The following DLG2 variants were observed in gnomAD, a reference collection of about 807,000 sequenced individuals.
The protein encoded by DLG2 is disks large homolog 2.
In DLG2, 45 loss-of-function variants were observed where a neutral mutation model predicts 132.5. The observed-to-expected ratio is 0.34, with a 90% CI of 0.27 to 0.44. DLG2 has a LOEUF of 0.44. Ranked by LOEUF, DLG2 falls within the 20% of genes least tolerant of loss-of-function variation. DLG2 has a pLI of 1.00. For missense variants in DLG2, 1,045 were observed against 1,196.9 expected (o/e 0.87, Z 1.87); for synonymous variants, 424 against 419.6 (o/e 1.01, Z -0.13).
chr11:85,420,957 T>C lies in DLG2; in HGVS notation c.41-135592A>G, dbSNP rs145842893. 8.9e-3 allele frequency among the ~76,000 whole-genome samples: 1,352 copies of C among 152,278 alleles called. 15 individuals are homozygous for C. The highest frequency in any genetic ancestry group is 0.019 in the South Asian group (94 of 4,822). ...CAGAAGAGTGAACAGTTGTGTCTTG[T>C]TGGCATTCCAGGTGCCATTGGGGTA... On this transcript the variant is annotated intron_variant, in intron 3 of 27. Coordinates refer to ENST00000376104, the MANE Select transcript of DLG2 (RefSeq NM_001142699.3).
intron 18 of DLG2, among the ~76,000 whole-genome samples, chr11:83,770,031 A>G (rs898676372): frequency 6.6e-6 from 1 of 152,194 alleles, no homozygotes; most frequent in Non-Finnish European, 1.5e-5. Flanking sequence ...ACCCGTCCAC[A>G]TGACTGTTGC....
chr11:84,888,260 G>A (rs1250978414), intron 6 of DLG2, among the ~76,000 whole-genome samples: 2 of 152,154 alleles, frequency 1.3e-5, no homozygotes, highest in African/African-American at 2.4e-5. Context: ...GAAAAAGATC[G>A]ACTCTCACCA....
intron 17 of DLG2, among the ~76,000 whole-genome samples, chr11:83,806,368 A>G (rs1268470687): frequency 6.6e-6 from 1 of 152,116 alleles, no homozygotes; most frequent in Non-Finnish European, 1.5e-5. Context: ...AATAAACTAG[A>G]CAAATTAACT....
intron 6 of DLG2, among the ~76,000 whole-genome samples, chr11:84,885,202 G>A (rs984817497): frequency 1.3e-5 from 2 of 151,536 alleles, no homozygotes; most frequent in Non-Finnish European, 3.0e-5. Flanking sequence ...GCATACTGGA[G>A]GACAAATATT....
chr11:83,994,286 ATCTCAT>A (rs2093897693), intron 11 of DLG2, among the ~76,000 whole-genome samples: 1 of 152,220 alleles, frequency 6.6e-6, no homozygotes, highest in African/African-American at 2.4e-5. Context: ...TTGTAGGAAT[ATCTCAT>A]TCCCCCACGT....
At chr11:84,667,471 T>TC (rs1188633524) in intron 6 of DLG2, among the ~76,000 whole-genome samples, 2 of 138,182 alleles carry the variant, frequency 1.4e-5, no homozygotes, top group Admixed American at 7.4e-5. Context: ...GATTCAAGTT[T>TC]TTTTTTGTTT....
intron 6 of DLG2, among the ~76,000 whole-genome samples, chr11:84,654,826 A>T (rs2099686288): frequency 6.6e-6 from 1 of 152,096 alleles, no homozygotes; most frequent in African/African-American, 2.4e-5. Context: ...GAGTTTGCTG[A>T]CACTCCTCTG....
At chr11:84,876,917 T>G (rs1339726360) in intron 6 of DLG2, among the ~76,000 whole-genome samples, 3 of 152,206 alleles carry the variant, frequency 2.0e-5, no homozygotes, top group Admixed American at 2.0e-4. Flanking sequence ...AAATTATTTA[T>G]TTCTGCCTTA....
intron 7 of DLG2, among the ~76,000 whole-genome samples, chr11:84,527,893 T>TTCTCTCTCTCTCTCTCTCTCTC (rs60170305): frequency 1.6e-5 from 2 of 125,592 alleles, no homozygotes; most frequent in African/African-American, 3.0e-5. Flanking sequence ...CTCCCTCCCT[T>TTCTCTCTCTCTCTCTCTCTCTC]TCTCTCTCTC....
At chr11:84,630,788 G>A (rs2099630240) in intron 6 of DLG2, among the ~76,000 whole-genome samples, 1 of 152,016 alleles carries the variant, frequency 6.6e-6, no homozygotes, top group Admixed American at 6.6e-5. Context: ...AGGAAACAGG[G>A]AGTGAAGAAA....
intron 3 of DLG2, among the ~76,000 whole-genome samples, chr11:85,509,351 A>G (rs949673354): frequency 6.6e-6 from 1 of 152,058 alleles, no homozygotes; most frequent in East Asian, 1.9e-4. Context: ...TCTTATTCTA[A>G]CATAGATTTT....
intron 8 of DLG2, among the ~76,000 whole-genome samples, chr11:84,242,785 A>G (rs980370390): frequency 3.9e-5 from 6 of 152,138 alleles, no homozygotes; most frequent in African/African-American, 1.2e-4. Context: ...AATTGCTGAC[A>G]TTTGCCTCCA....
rs767653576 is a variant in DLG2, at chr11:83,770,265, G to GTTTTTTGTTTTT, written c.1825+16424_1825+16425insAAAAACAAAAAA. Among the ~76,000 whole-genome samples the GTTTTTTGTTTTT allele has an allele frequency of 5.7e-4, 73 of 128,788 alleles. 2 individuals carry two copies. Among genetic ancestry groups the GTTTTTTGTTTTT allele is most frequent in the African/African-American group, 2.3e-3 (69 of 30,574 alleles). 84.5% of individuals were successfully genotyped at this position (128,788 alleles called of 152,430 possible). On this transcript the variant is annotated intron_variant, in intron 18 of 27. Transcript: ENST00000376104. Reference sequence around the variant, plus strand: ...CTCGTGGTGTCTGGTGTTTTTTTTTGTTTTTTTGCTTTTTGTACAAAGATT... The same window carrying GTTTTTTGTTTTT: ...CTCGTGGTGTCTGGTGTTTTTTTTTGTTTTTTGTTTTTTTTTTTTGCTTTTTGTACAAAGATT...
intron 7 of DLG2, among the ~76,000 whole-genome samples, chr11:84,371,834 A>T (rs766646747): frequency 1.1e-4 from 16 of 152,172 alleles, no homozygotes; most frequent in Non-Finnish European, 2.2e-4. Flanking sequence ...CATGGTATAT[A>T]AGGAAGATTT....
At chr11:84,708,801 A>T (rs1565727208) in intron 6 of DLG2, among the ~76,000 whole-genome samples, 1 of 151,906 alleles carries the variant, frequency 6.6e-6, no homozygotes, top group African/African-American at 2.4e-5. Flanking sequence ...ACAGAGAGAA[A>T]ATGTCTCATT....
intron 3 of DLG2, among the ~76,000 whole-genome samples, chr11:85,498,893 G>A (rs988286432): frequency 2.0e-5 from 3 of 152,170 alleles, no homozygotes; most frequent in African/African-American, 4.8e-5. Context: ...TGAAACCAAT[G>A]AGAACAAGGA....
chr11:83,710,462 A>G (rs2085146199), intron 18 of DLG2, among the ~76,000 whole-genome samples: 1 of 152,188 alleles, frequency 6.6e-6, no homozygotes. Context: ...TTGCCTGGCC[A>G]GATACTTTTC....
At chr11:85,235,375 C>G (rs2152659322) in intron 4 of DLG2, among the ~76,000 whole-genome samples, 1 of 152,020 alleles carries the variant, frequency 6.6e-6, no homozygotes, top group East Asian at 1.9e-4. Context: ...TTTCATTCAT[C>G]CATCTATCCA....
intron 6 of DLG2, among the ~76,000 whole-genome samples, chr11:84,659,487 C>T (rs2154547752): frequency 6.6e-6 from 1 of 152,248 alleles, no homozygotes; most frequent in East Asian, 1.9e-4. Flanking sequence ...ATGCTAGAAG[C>T]TCTACTATCT....
Sources: gnomAD v4.1 joint callset for allele counts (sites outside exome capture counted in the v4.1 genomes callset) on GRCh38, gnomAD v4.1.1 for gene constraint, MANE v1.5 for transcripts, NCBI Gene and HGNC (gene_info 2026-07-23, HGNC 2026-07-21) for gene names.